The following CCL28 variants were observed in gnomAD, a reference collection of about 807,000 sequenced individuals.
CCL28 encodes C-C motif chemokine 28.
A neutral mutation model predicts 7.1 loss-of-function variants in CCL28; 4 were observed. The ratio of observed to expected loss-of-function variants is 0.56; its 90% CI spans 0.28 to 1.29. The LOEUF (loss-of-function observed/expected upper bound fraction) is 1.29, where lower values mean the gene tolerates loss of function less well. CCL28 is among the 50% of genes most tolerant of loss of function. The pLI is 0.11. For synonymous variants in CCL28, 55 were observed against 57.8 expected (o/e 0.95, Z 0.22); for missense variants, 151 against 163.4 (o/e 0.92, Z 0.41).
At chr5:43,365,672 T>G in the CCL28 span, among the ~76,000 whole-genome samples, 3 of 152,218 alleles carry the variant, frequency 2.0e-5, no homozygotes. Context: ...CTTTCTGGTG[T>G]TCTCTGTATT....
chr5:43,378,985 T>A (rs541798730), downstream of CCL28, among the ~76,000 whole-genome samples: 10 of 151,786 alleles, frequency 6.6e-5, no homozygotes, highest in East Asian at 1.9e-3. Context: ...AAAATAAAAA[T>A]AAAAAAAATC....
intron 1 of CCL28, among the ~76,000 whole-genome samples, chr5:43,405,666 T>G (rs1000421964): frequency 6.6e-6 from 1 of 152,018 alleles, no homozygotes; most frequent in East Asian, 1.9e-4. Flanking sequence ...CTGGAGGAGA[T>G]AGACAAACAA....
At chr5:43,394,566 G>T (rs1199909480) in intron 1 of CCL28, among the ~76,000 whole-genome samples, 1 of 152,084 alleles carries the variant, frequency 6.6e-6, no homozygotes, top group Non-Finnish European at 1.5e-5. Context: ...TATTGTGAAT[G>T]AACTCTTTAA....
At position 43,381,719 on chromosome 5, in the gene CCL28, G is replaced by A. The variant is rs754246954; in HGVS notation, c.*141C>T. The A allele has an allele frequency of 3.2e-5, 22 of 689,826 alleles. No homozygotes were observed. Among genetic ancestry groups the A allele is most frequent in the African/African-American group, 7.2e-5 (4 of 55,714 alleles). 42.7% of individuals were successfully genotyped at this position (689,826 alleles called of 1,614,324 possible). A position where few individuals can be genotyped will look rare whatever the true frequency, so the allele number is the denominator to read the frequency against. ...ATATTATTGGCTACATTTGCATACCGCACAATTGTTCATTTTTTAAAAACC... is the reference window on the plus strand; with the variant it reads ...ATATTATTGGCTACATTTGCATACCACACAATTGTTCATTTTTTAAAAACC... On this transcript the variant is annotated 3_prime_UTR_variant, in exon 3 of 3. Coordinates refer to ENST00000361115, the MANE Select transcript of CCL28 (RefSeq NM_148672.3).
At chr5:43,402,145 G>T (rs936684922) in intron 1 of CCL28, among the ~76,000 whole-genome samples, 4 of 152,190 alleles carry the variant, frequency 2.6e-5, no homozygotes, top group Non-Finnish European at 5.9e-5. Flanking sequence ...GTTGAGCCAT[G>T]GCTGGATCTC....
At chr5:43,371,580 TAAC>T in the CCL28 span, among the ~76,000 whole-genome samples, 1 of 152,242 alleles carries the variant, frequency 6.6e-6, no homozygotes, top group Admixed American at 6.5e-5. Context: ...GGCCTCCTTC[TAAC>T]AACATGTGAG....
intron 1 of CCL28, among the ~76,000 whole-genome samples, chr5:43,410,055 G>A (rs902072568): frequency 6.6e-6 from 1 of 152,164 alleles, no homozygotes; most frequent in Non-Finnish European, 1.5e-5. Context: ...ATTAAGATAA[G>A]GGAACAGCTT....
the CCL28 span, among the ~76,000 whole-genome samples, chr5:43,370,859 A>G: frequency 3.4e-3 from 509 of 150,640 alleles, no homozygotes; most frequent in Non-Finnish European, 5.7e-3. Flanking sequence ...CCCTTGCCTC[A>G]GCCTTCTGAG....
intron 1 of CCL28, among the ~76,000 whole-genome samples, chr5:43,403,715 C>G (rs939258809): frequency 2.6e-5 from 4 of 152,094 alleles, no homozygotes; most frequent in Non-Finnish European, 4.4e-5. Flanking sequence ...CTACTCCGAG[C>G]TAAAGGAGGA....
At chr5:43,401,092 AAAAAG>A (rs1272770809) in intron 1 of CCL28, among the ~76,000 whole-genome samples, 1 of 151,788 alleles carries the variant, frequency 6.6e-6, no homozygotes, top group Non-Finnish European at 1.5e-5. Flanking sequence ...CAAAAAAAAA[AAAAAG>A]AAAAAGAAAA....
At chr5:43,364,097 C>A in the CCL28 span, among the ~76,000 whole-genome samples, 1 of 152,142 alleles carries the variant, frequency 6.6e-6, no homozygotes, top group South Asian at 2.1e-4. Context: ...ATCTTCTTTT[C>A]TTTTTCTGCT....
At chr5:43,389,382 C>T (rs941461738) in intron 1 of CCL28, among the ~76,000 whole-genome samples, 1 of 151,752 alleles carries the variant, frequency 6.6e-6, no homozygotes, top group East Asian at 1.9e-4. Flanking sequence ...CTAAGTCAAA[C>T]TCTTAATATC....
the CCL28 span, among the ~76,000 whole-genome samples, chr5:43,365,751 G>A: frequency 6.6e-6 from 1 of 152,182 alleles, no homozygotes; most frequent in African/African-American, 2.4e-5. Flanking sequence ...CCTGAAGAGT[G>A]TTTTCCAACT....
chr5:43,378,634 C>T (rs1291600985), downstream of CCL28, among the ~76,000 whole-genome samples: 1 of 152,158 alleles, frequency 6.6e-6, no homozygotes, highest in Non-Finnish European at 1.5e-5. Flanking sequence ...TTTTACTAAG[C>T]ACATGCAATA....
chr5:43,363,115 T>A, the CCL28 span, among the ~76,000 whole-genome samples: 1 of 152,196 alleles, frequency 6.6e-6, no homozygotes, highest in Non-Finnish European at 1.5e-5. Context: ...CTCCACCTGA[T>A]AGTCCAAGAA....
intron 1 of CCL28, among the ~76,000 whole-genome samples, chr5:43,397,770 T>C (rs547878164): frequency 6.6e-6 from 1 of 152,220 alleles, no homozygotes; most frequent in Non-Finnish European, 1.5e-5. Context: ...TTAAGATTCC[T>C]CTATTTCTAC....
the CCL28 span, among the ~76,000 whole-genome samples, chr5:43,363,606 G>A: frequency 1.3e-5 from 2 of 152,202 alleles, no homozygotes; most frequent in Non-Finnish European, 2.9e-5. Flanking sequence ...AAGCCCGAGT[G>A]ACCAACTGAG....
the CCL28 span, among the ~76,000 whole-genome samples, chr5:43,367,417 G>A: frequency 3.9e-5 from 6 of 152,338 alleles, no homozygotes; most frequent in South Asian, 2.1e-4. Flanking sequence ...TGGGAAAAGC[G>A]TAGTATCTGG....
At chr5:43,390,465 C>T (rs1740527247) in intron 1 of CCL28, among the ~76,000 whole-genome samples, 1 of 152,226 alleles carries the variant, frequency 6.6e-6, no homozygotes, top group South Asian at 2.1e-4. Flanking sequence ...TCCCTAACCC[C>T]TCCTAGAGGT....
Sources: allele counts gnomAD v4.1 joint callset (sites outside exome capture counted in the v4.1 genomes callset), GRCh38; gene constraint gnomAD v4.1.1; transcripts MANE v1.5; gene names NCBI Gene and HGNC (gene_info 2026-07-23, HGNC 2026-07-21).